The following SEC23IP variants were observed in gnomAD, a reference collection of about 807,000 sequenced individuals.
The protein encoded by SEC23IP is SEC23 interacting protein.
Under a neutral mutation model 113.4 loss-of-function variants are expected in SEC23IP, and 70 were observed. The ratio of observed to expected loss-of-function variants is 0.62; its 90% confidence interval spans 0.51 to 0.75. SEC23IP has a LOEUF of 0.75. SEC23IP is among the 30% of genes least tolerant of loss of function. The probability of loss-of-function intolerance (pLI) is 0.00; values close to 1 mark genes in which losing one functional copy is unlikely to be tolerated. For missense variants in SEC23IP, 1,160 were observed against 1,204.9 expected (o/e 0.96, Z 0.55); for synonymous variants, 398 against 421.0 (o/e 0.95, Z 0.67).
At chr10:119,896,686 C>T (rs1394130021) in intron 1 of SEC23IP, among the ~76,000 whole-genome samples, 1 of 151,998 alleles carries the variant, frequency 6.6e-6, no homozygotes, top group African/African-American at 2.4e-5. Flanking sequence ...ATATGGAGAG[C>T]ACTTCATTTG....
At chr10:119,907,896 G>A (rs920254248) in intron 4 of SEC23IP, among the ~76,000 whole-genome samples, 1 of 152,194 alleles carries the variant, frequency 6.6e-6, no homozygotes, top group Admixed American at 6.5e-5. Flanking sequence ...AGGTTGCGGT[G>A]AGCAGAGATT....
intron 1 of SEC23IP, among the ~76,000 whole-genome samples, chr10:119,895,482 C>T (rs978398184): frequency 6.6e-6 from 1 of 152,166 alleles, no homozygotes; most frequent in Non-Finnish European, 1.5e-5. Flanking sequence ...AATGACTGCA[C>T]AGTATGTGTG....
Position 119,902,878 on chromosome 10 carries a change from C to G in SEC23IP, c.776C>G (p.Pro259Arg). 6.2e-7 allele frequency: 1 copy of G among 1,614,186 alleles called. No homozygotes were observed. The highest frequency in any genetic ancestry group is 8.5e-7 in the Non-Finnish European group (1 of 1,180,032). Residue 259 changes from proline (P) to arginine (R), a missense_variant, in exon 3 of 19, where the codon CCT becomes CGT. Coordinates refer to ENST00000369075, the MANE Select transcript of SEC23IP (RefSeq NM_007190.4). ...GCTCCCTCTGTTCAAGTGCCATCTCCTTTTCTACTTCAAAACCAATATGAG... is the reference window on the plus strand; with the variant it reads ...GCTCCCTCTGTTCAAGTGCCATCTCGTTTTCTACTTCAAAACCAATATGAG... Reference protein sequence around the residue: ...PGAPSVQVPSPFLLQNQYEPV... With the variant: ...PGAPSVQVPSRFLLQNQYEPV...
At position 119,915,662 on chromosome 10, in the gene SEC23IP, A is replaced by G; in HGVS notation, c.1403-86A>G. 10 of 903,602 alleles carry G rather than the reference A, an allele frequency of 1.1e-5. 1 individual carries two copies. Among genetic ancestry groups the G allele is most frequent in the Middle Eastern group, 2.6e-4 (1 of 3,858 alleles). 56.0% of individuals were successfully genotyped at this position (903,602 alleles called of 1,614,324 possible). A position where few individuals can be genotyped will look rare whatever the true frequency, so the allele number is the denominator to read the frequency against. On this transcript the variant is annotated intron_variant, in intron 7 of 18. Coordinates refer to ENST00000369075, the MANE Select transcript of SEC23IP (RefSeq NM_007190.4). ...AAAATGTATCTTTATGTTATTAAAA[A>G]TACTGGCATATTTGAGGTAACTGCT...
intron 6 of SEC23IP, among the ~76,000 whole-genome samples, chr10:119,912,642 CTTT>C (rs760515822): frequency 4.3e-5 from 5 of 116,386 alleles, no homozygotes; most frequent in South Asian, 4.7e-4. Flanking sequence ...TTTTCTTTTT[CTTT>C]TTTTTTTTTT....
intron 15 of SEC23IP, 67 bp from the exon 16 acceptor site, chr10:119,932,066 C>G: frequency 9.8e-7 from 1 of 1,023,584 alleles, no homozygotes; most frequent in South Asian, 1.4e-5. Flanking sequence ...TGTTAACTTA[C>G]AATTTTTGTG....
chr10:119,919,227 C>G (rs185950025), intron 10 of SEC23IP, among the ~76,000 whole-genome samples: 144 of 152,244 alleles, frequency 9.5e-4, no homozygotes, highest in Non-Finnish European at 1.9e-3. Flanking sequence ...CTCCTGACCT[C>G]AGGTGATGCA....
chr10:119,931,211 C>T (rs560923792), intron 15 of SEC23IP, among the ~76,000 whole-genome samples: 25 of 143,336 alleles, frequency 1.7e-4, no homozygotes, highest in Admixed American at 3.0e-4. Context: ...ACCTGGGAGG[C>T]GAAGGTGGCA....
chr10:119,902,307 G>C (rs1023185111), intron 2 of SEC23IP, among the ~76,000 whole-genome samples: 1 of 152,106 alleles, frequency 6.6e-6, no homozygotes, highest in African/African-American at 2.4e-5. Context: ...GCATTGCGCC[G>C]TTGCACTCCA....
intron 5 of SEC23IP, 127 bp from the exon 6 acceptor site, chr10:119,911,917 G>A (rs2134479761): frequency 8.8e-7 from 1 of 1,137,788 alleles, no homozygotes; most frequent in African/African-American, 1.5e-5. Flanking sequence ...TGTTTTGGGG[G>A]AACAGTACTA....
intron 3 of SEC23IP, among the ~76,000 whole-genome samples, chr10:119,903,413 C>T: frequency 6.6e-6 from 1 of 152,108 alleles, no homozygotes; most frequent in East Asian, 1.9e-4. Flanking sequence ...GTATCTAGGT[C>T]TTGAGAGAGA....
chr10:119,909,298 T>A (rs1854780196), intron 5 of SEC23IP, among the ~76,000 whole-genome samples, 168 bp downstream of exon 5: 1 of 152,224 alleles, frequency 6.6e-6, no homozygotes, highest in Non-Finnish European at 1.5e-5. Context: ...CAGATATTAT[T>A]TCTATGATTC....
intron 7 of SEC23IP, 50 bp from the exon 8 acceptor site, chr10:119,915,698 C>A (rs201437012): frequency 1.5e-6 from 2 of 1,328,576 alleles, no homozygotes; most frequent in Non-Finnish European, 2.0e-6. Context: ...GACTAGCTAT[C>A]AAGCTAGGAG....
At chr10:119,893,690 T>C (rs1448556159) in intron 1 of SEC23IP, among the ~76,000 whole-genome samples, 1 of 151,978 alleles carries the variant, frequency 6.6e-6, no homozygotes. Context: ...TGGCTAATTT[T>C]TGTATTTGTA....
chr10:119,915,599 A>G, intron 7 of SEC23IP, 149 bp from the exon 8 acceptor site: 1 of 573,840 alleles, frequency 1.7e-6, no homozygotes, highest in Non-Finnish European at 2.7e-6. Flanking sequence ...CTTTTTAAAA[A>G]ATTTTACTAA....
At chr10:119,933,208 G>A in intron 17 of SEC23IP, 41 bp downstream of exon 17, 2 of 1,565,612 alleles carry the variant, frequency 1.3e-6, no homozygotes, top group Non-Finnish European at 1.8e-6. Context: ...GTGGGCTTTT[G>A]GTGCTAGCAC....
rs1394875825 is a variant in SEC23IP, at chr10:119,933,092, A to G, written c.2846A>G (p.Asp949Gly). The G allele has an allele frequency of 1.9e-6, 3 of 1,613,942 alleles. No individual in the cohort carries two copies. The highest frequency in any genetic ancestry group is 1.7e-5 in the Admixed American group (1 of 60,024). The change falls in exon 17 of 19, where the codon GAC becomes GGC. Residue 949 changes from aspartate to glycine, a missense_variant. Transcript: ENST00000369075. Reference sequence around the variant, plus strand: ...ATGTTAAATGGAGGCCGCCGAATTGACTACGTTCTCCAAGAAAAACCAATA... The same window carrying G: ...ATGTTAAATGGAGGCCGCCGAATTGGCTACGTTCTCCAAGAAAAACCAATA... The part of the protein sequence containing the change: ...VGMLNGGRRI[D>G]YVLQEKPIES...
chr10:119,895,389 C>T (rs1220956204), intron 1 of SEC23IP, among the ~76,000 whole-genome samples: 1 of 152,142 alleles, frequency 6.6e-6, no homozygotes. Context: ...AAAACAAAAA[C>T]CAGACATGGA....
chr10:119,894,045 T>C (rs999795687), intron 1 of SEC23IP, among the ~76,000 whole-genome samples: 6 of 152,242 alleles, frequency 3.9e-5, no homozygotes, highest in Admixed American at 6.5e-5. Context: ...ACTGTAGGCA[T>C]TTTACTTTAC....
Sources: allele counts gnomAD v4.1 joint callset (sites outside exome capture counted in the v4.1 genomes callset), GRCh38; gene constraint gnomAD v4.1.1; transcripts MANE v1.5; gene names NCBI Gene and HGNC (gene_info 2026-07-23, HGNC 2026-07-21).